Variants in AGMO observed in about 807,000 individuals in gnomAD.
AGMO encodes the protein alkylglycerol monooxygenase.
In AGMO, 75 loss-of-function variants were observed where a neutral mutation model predicts 60.2. That is an observed-to-expected ratio of 1.25 (90% CI 1.03 to 1.51). AGMO has a LOEUF of 1.51. Among genes scored for constraint, AGMO ranks in the 40% most tolerant of loss-of-function variants. AGMO has a pLI of 0.00. For missense variants in AGMO, 763 were observed against 525.5 expected, an observed-to-expected ratio of 1.45 and a Z score of -4.42; for synonymous variants, 261 against 177.1, an observed-to-expected ratio of 1.47 and a Z score of -3.76.
chr7:15,466,339 G>T (rs1284050396), intron 3 of AGMO, among the ~76,000 whole-genome samples: 3 of 152,118 alleles, frequency 2.0e-5, no homozygotes, highest in Admixed American at 2.0e-4. Flanking sequence ...ATGCATCCTT[G>T]CTGCTCGTAA....
intron 12 of AGMO, among the ~76,000 whole-genome samples, chr7:15,245,306 T>G (rs1449412136): frequency 6.6e-6 from 1 of 152,210 alleles, no homozygotes; most frequent in Non-Finnish European, 1.5e-5. Flanking sequence ...TTGTTTTCCC[T>G]GAGGTCTGGG....
At chr7:15,162,313 A>G in the AGMO span, among the ~76,000 whole-genome samples, 4 of 152,134 alleles carry the variant, frequency 2.6e-5, no homozygotes, top group African/African-American at 9.7e-5. Context: ...AATAATTTGC[A>G]AACAGTTTAC....
At chr7:15,201,793 T>G (rs1239875851) in intron 12 of AGMO, among the ~76,000 whole-genome samples, 2 of 152,186 alleles carry the variant, frequency 1.3e-5, no homozygotes, top group African/African-American at 4.8e-5. Context: ...TGATCTAGCT[T>G]ACTATGAATT....
Position 15,351,761 on chromosome 7 carries a change from TA to T in AGMO, c.1263+13752del, listed in dbSNP as rs1388078352. Among the ~76,000 whole-genome samples the T allele has an allele frequency of 8.5e-5, 13 of 152,316 alleles. 1 individual carries two copies. The East Asian group carries it at 2.5e-3, about 29-fold the overall frequency. On this transcript the variant is annotated intron_variant, in intron 12 of 12. Transcript: ENST00000342526. ...GCAGCTTATCAAATGCAATTCTTTT[TA>T]AAAATAACAAAGTATACGGCTAGAG... is the stretch of plus-strand genomic sequence containing the variant.
chr7:15,451,069 TA>T (rs5882509), intron 3 of AGMO, among the ~76,000 whole-genome samples: 7 of 151,310 alleles, frequency 4.6e-5, no homozygotes, highest in African/African-American at 1.5e-4. Context: ...ATATGAAAAT[TA>T]AAAAAAAATT....
rs149779203 is a variant in AGMO at position 15,462,942 on chromosome 7, C to G, written c.410-31834G>C. Among the ~76,000 whole-genome samples, 1,370 of 152,254 alleles carry G rather than the reference C, an allele frequency of 9.0e-3. 18 individuals carry two copies. Among genetic ancestry groups the G allele is most frequent in the African/African-American group, 0.029 (1,202 of 41,558 alleles). The stretch of plus-strand genomic sequence containing the variant: ...TCAGCAGGTATAAGCTACACAACGT[C>G]AGGTTGTTTGGATTCCCCAGGAAGG... On this transcript the variant is annotated intron_variant, in intron 3 of 12. Coordinates refer to ENST00000342526, the MANE Select transcript of AGMO (RefSeq NM_001004320.2).
the AGMO span, among the ~76,000 whole-genome samples, chr7:15,186,935 C>T: frequency 1.3e-5 from 2 of 152,136 alleles, no homozygotes; most frequent in African/African-American, 4.8e-5. Context: ...AGAAAGAATA[C>T]GTTTCTGGAT....
intron 12 of AGMO, among the ~76,000 whole-genome samples, chr7:15,217,631 A>C (rs1781780971): frequency 6.6e-6 from 1 of 152,062 alleles, no homozygotes; most frequent in African/African-American, 2.4e-5. Context: ...TAAGATATTG[A>C]AATTAAAAAT....
intron 12 of AGMO, among the ~76,000 whole-genome samples, chr7:15,270,334 A>G (rs928974697): frequency 2.6e-5 from 4 of 151,886 alleles, no homozygotes; most frequent in African/African-American, 9.7e-5. Flanking sequence ...GTATGAGATG[A>G]TATCATATTG....
chr7:15,538,505 A>T (rs914582544), intron 3 of AGMO, among the ~76,000 whole-genome samples: 10 of 152,142 alleles, frequency 6.6e-5, no homozygotes, highest in African/African-American at 1.9e-4. Context: ...AGGCGCTGAG[A>T]GTGCTGAGAT....
rs2128497630 is a variant in AGMO at position 15,428,872 on chromosome 7, T to A, written c.513+2133A>T. 2.0e-5 allele frequency among the ~76,000 whole-genome samples: 3 copies of A among 152,134 alleles called. No homozygotes were observed. The Middle Eastern group carries it at 0.01, about 517-fold the overall frequency. Reference sequence around the variant, plus strand: ...TCAGTTGTCTTTAATAAAAGAGAAATATATAAGTCAGAAGAGAGTAAAGAT... The same window carrying A: ...TCAGTTGTCTTTAATAAAAGAGAAAAATATAAGTCAGAAGAGAGTAAAGAT... On this transcript the variant is annotated intron_variant, in intron 4 of 12. Coordinates refer to ENST00000342526, the MANE Select transcript of AGMO (RefSeq NM_001004320.2).
In AGMO at chr7:15,462,218, TA is replaced by T. The variant is rs1782161345; in HGVS notation, c.410-31111del. Among the ~76,000 whole-genome samples the T allele has an allele frequency of 3.9e-5, 6 of 152,266 alleles. No individual in the cohort carries two copies. In the South Asian group the frequency reaches 1.2e-3, roughly 32 times the overall value. On this transcript the variant is annotated intron_variant, in intron 3 of 12. Coordinates refer to ENST00000342526, the MANE Select transcript of AGMO (RefSeq NM_001004320.2). ...GCAGTTATTCCCCGGTACCCTAAAGTATGCATCACACACTATTTTAGCTCAA... is the reference window on the plus strand; with the variant it reads ...GCAGTTATTCCCCGGTACCCTAAAGTTGCATCACACACTATTTTAGCTCAA...
intron 4 of AGMO, among the ~76,000 whole-genome samples, chr7:15,427,357 T>G (rs1412913349): frequency 6.6e-6 from 1 of 152,208 alleles, no homozygotes; most frequent in Admixed American, 6.5e-5. Context: ...CTGTATCCTT[T>G]ACTTGCTTTC....
intron 12 of AGMO, among the ~76,000 whole-genome samples, chr7:15,256,189 G>A (rs919166998): frequency 2.0e-5 from 3 of 152,156 alleles, no homozygotes; most frequent in Admixed American, 1.3e-4. Flanking sequence ...TGTTCAGGTA[G>A]GAAAAAGGAC....
chr7:15,287,837 T>C (rs1784143631), intron 12 of AGMO, among the ~76,000 whole-genome samples: 1 of 152,186 alleles, frequency 6.6e-6, no homozygotes, highest in African/African-American at 2.4e-5. Context: ...CAAATGTTTT[T>C]CAATGTAAAA....
chr7:15,464,471 G>C (rs925392995), intron 3 of AGMO, among the ~76,000 whole-genome samples: 3 of 152,130 alleles, frequency 2.0e-5, no homozygotes, highest in African/African-American at 7.2e-5. Flanking sequence ...TTTTAAACAA[G>C]TAAGTCGTAC....
At chr7:15,348,279 A>C (rs1030936754) in intron 12 of AGMO, among the ~76,000 whole-genome samples, 3 of 152,068 alleles carry the variant, frequency 2.0e-5, no homozygotes, top group African/African-American at 7.2e-5. Flanking sequence ...AGAAACCCTC[A>C]TCAATATACA....
intron 12 of AGMO, among the ~76,000 whole-genome samples, chr7:15,235,652 A>G (rs995285728): frequency 2.6e-5 from 4 of 152,134 alleles, no homozygotes; most frequent in Non-Finnish European, 5.9e-5. Context: ...AATAGATCCT[A>G]AAGAAAGAAA....
At chr7:15,413,592 T>C (rs4719446) in intron 5 of AGMO, among the ~76,000 whole-genome samples, 27,417 of 151,936 alleles carry the variant, frequency 0.18, 2,702 homozygotes, top group African/African-American at 0.23. Flanking sequence ...AGACACATTA[T>C]CTATGATATA....
Sources: gnomAD v4.1 joint callset for allele counts (sites outside exome capture counted in the v4.1 genomes callset) on GRCh38, gnomAD v4.1.1 for gene constraint, MANE v1.5 for transcripts, NCBI Gene and HGNC (gene_info 2026-07-23, HGNC 2026-07-21) for gene names.